Variants in DTNA observed in about 807,000 individuals in gnomAD.
The protein encoded by DTNA is dystrobrevin alpha, also known as dystrophin-related protein 3.
Under a neutral mutation model 100.7 loss-of-function variants are expected in DTNA, and 43 were observed. The ratio of observed to expected loss-of-function variants is 0.43; its 90% CI spans 0.33 to 0.55. The LOEUF (loss-of-function observed/expected upper bound fraction) is 0.55, where lower values mean the gene tolerates loss of function less well. Among genes scored for constraint, DTNA ranks in the 20% least tolerant of loss-of-function variants. The probability of loss-of-function intolerance (pLI) is 0.04; values close to 1 mark genes in which losing one functional copy is unlikely to be tolerated. For synonymous variants in DTNA, 349 were observed against 347.9 expected, an observed-to-expected ratio of 1.00 and a Z score of -0.04; for missense variants, 798 against 953.9, an observed-to-expected ratio of 0.84 and a Z score of 2.15.
intron 17 of DTNA, among the ~76,000 whole-genome samples, chr18:34,864,601 A>G (rs1603295038): frequency 6.6e-6 from 1 of 152,200 alleles, no homozygotes; most frequent in South Asian, 2.1e-4. Flanking sequence ...GAGGGCCTTC[A>G]TGGGGCAACT....
intron 1 of DTNA, among the ~76,000 whole-genome samples, chr18:34,507,367 G>A (rs2040592894): frequency 6.6e-6 from 1 of 152,186 alleles, no homozygotes. Flanking sequence ...AATAGTGAAT[G>A]CAGAATCTAT....
chr18:34,537,982 A>C (rs1042274503), intron 1 of DTNA, among the ~76,000 whole-genome samples: 6 of 152,048 alleles, frequency 3.9e-5, no homozygotes, highest in African/African-American at 1.4e-4. Flanking sequence ...ACGTGAAGCA[A>C]CATGAAAGTA....
chr18:34,811,795 A>G (rs1353431234), intron 5 of DTNA, among the ~76,000 whole-genome samples, 164 bp from the exon 6 acceptor site: 1 of 152,196 alleles, frequency 6.6e-6, no homozygotes, highest in South Asian at 2.1e-4. Context: ...ACCAGAGAAA[A>G]CATTATGCCA....
intron 1 of DTNA, among the ~76,000 whole-genome samples, chr18:34,494,465 G>A (rs572564065): frequency 2.6e-5 from 4 of 152,252 alleles, no homozygotes; most frequent in African/African-American, 9.6e-5. Flanking sequence ...GCAGGCGGGA[G>A]GTTCGTTCTG....
At chr18:34,717,421 C>A (rs768826469) in intron 1 of DTNA, among the ~76,000 whole-genome samples, 2 of 152,140 alleles carry the variant, frequency 1.3e-5, no homozygotes, top group African/African-American at 2.4e-5. Context: ...ATTCTTTGTG[C>A]AATTTCCCTT....
At chr18:34,607,829 A>G (rs778305384) in intron 1 of DTNA, among the ~76,000 whole-genome samples, 33 of 152,202 alleles carry the variant, frequency 2.2e-4, no homozygotes, top group Non-Finnish European at 3.5e-4. Flanking sequence ...TCCAGGGTCA[A>G]TAGATCAGAA....
At chr18:34,790,833 C>T (rs566125629) in intron 3 of DTNA, among the ~76,000 whole-genome samples, 11 of 151,992 alleles carry the variant, frequency 7.2e-5, no homozygotes, top group South Asian at 4.2e-4. Context: ...CATTGGGTAA[C>T]GAAATTGGGT....
At chr18:34,556,936 A>G (rs1318393495) in intron 1 of DTNA, among the ~76,000 whole-genome samples, 1 of 147,182 alleles carries the variant, frequency 6.8e-6, no homozygotes, top group African/African-American at 2.6e-5. Flanking sequence ...AGATTGGGGA[A>G]GTTCTCCTGG....
intron 1 of DTNA, among the ~76,000 whole-genome samples, chr18:34,542,507 CT>C (rs757107218): frequency 1.3e-5 from 2 of 151,960 alleles, no homozygotes; most frequent in Non-Finnish European, 2.9e-5. Context: ...TAGTAACCCA[CT>C]TCTGACAAAG....
chr18:34,715,912 C>G (rs1482068603), intron 1 of DTNA, among the ~76,000 whole-genome samples: 1 of 152,108 alleles, frequency 6.6e-6, no homozygotes, highest in African/African-American at 2.4e-5. Flanking sequence ...AAACACATGT[C>G]ATTTTAATAA....
intron 1 of DTNA, among the ~76,000 whole-genome samples, chr18:34,715,061 A>T (rs1393199498): frequency 1.2e-5 from 1 of 80,822 alleles, no homozygotes; most frequent in Non-Finnish European, 2.4e-5. Context: ...CTGTTGTGGG[A>T]TGGGGGGAGG....
intron 1 of DTNA, among the ~76,000 whole-genome samples, chr18:34,598,292 G>A (rs969265156): frequency 2.0e-5 from 3 of 151,516 alleles, no homozygotes; most frequent in Non-Finnish European, 4.4e-5. Flanking sequence ...AGTATGGTGA[G>A]TCAGCTGTTT....
intron 1 of DTNA, among the ~76,000 whole-genome samples, chr18:34,577,073 A>T (rs1243894529): frequency 2.6e-5 from 4 of 152,094 alleles, no homozygotes; most frequent in African/African-American, 9.7e-5. Context: ...AGGGCCTCAA[A>T]AGGGTTTCTG....
chr18:34,699,242 G>T (rs2081040595), intron 1 of DTNA, among the ~76,000 whole-genome samples: 1 of 151,892 alleles, frequency 6.6e-6, no homozygotes, highest in African/African-American at 2.4e-5. Context: ...GAAGTCTCCA[G>T]GTATGCAGTT....
rs1353318429 is a variant in DTNA at position 34,616,057 on chromosome 18, A to G, written c.-2+122543A>G. Among the ~76,000 whole-genome samples the G allele has an allele frequency of 4.6e-5, 7 of 152,318 alleles. No individual in the cohort carries two copies. The South Asian group carries it at 6.2e-4, about 14-fold the overall frequency. ...AGTGCTACAGTTAACATACATGTGC[A>G]TGTATCTTTGTAGTAGAACAATTTA... On this transcript the variant is annotated intron_variant, in intron 1 of 19. Transcript: ENST00000283365.
intron 1 of DTNA, among the ~76,000 whole-genome samples, chr18:34,547,258 GTTATA>G (rs1282598835): frequency 6.6e-6 from 1 of 151,876 alleles, no homozygotes; most frequent in Non-Finnish European, 1.5e-5. Context: ...GAGAGCTATT[GTTATA>G]TTATAATGAT....
intron 15 of DTNA, among the ~76,000 whole-genome samples, chr18:34,854,088 T>G (rs768477316): frequency 1.3e-5 from 2 of 152,194 alleles, no homozygotes; most frequent in African/African-American, 2.4e-5. Context: ...AAAGAACCAT[T>G]GGACTTTGTG....
At chr18:34,686,871 G>C (rs2078980586) in intron 1 of DTNA, among the ~76,000 whole-genome samples, 1 of 152,016 alleles carries the variant, frequency 6.6e-6, no homozygotes, top group South Asian at 2.1e-4. Context: ...TTTAGTCTCG[G>C]GAGGGTGTAT....
intron 3 of DTNA, among the ~76,000 whole-genome samples, chr18:34,771,643 A>G (rs995341154): frequency 6.6e-6 from 1 of 152,228 alleles, no homozygotes; most frequent in African/African-American, 2.4e-5. Flanking sequence ...CTCTAACAGA[A>G]TAAAAGAATG....
Sources: allele counts gnomAD v4.1 joint callset (sites outside exome capture counted in the v4.1 genomes callset), GRCh38; gene constraint gnomAD v4.1.1; transcripts MANE v1.5; gene names NCBI Gene and HGNC (gene_info 2026-07-23, HGNC 2026-07-21).